Variants in MAPDA observed in about 807,000 individuals in gnomAD.
MAPDA encodes the protein N6-Methyl-AMP deaminase.
At chr15:43,349,261 A>T in the MAPDA span, 6 of 1,270,106 alleles carry the variant, frequency 4.7e-6, no homozygotes, top group Non-Finnish European at 6.0e-6. Flanking sequence ...TGCTTGTCTT[A>T]TTCGTTGTTA....
At chr15:43,341,516 T>A in the MAPDA span, among the ~76,000 whole-genome samples, 1 of 152,194 alleles carries the variant, frequency 6.6e-6, no homozygotes, top group Non-Finnish European at 1.5e-5. Context: ...TGGGTACATA[T>A]ATACCTAGTA....
chr15:43,351,411 C>T, the MAPDA span: 1 of 324,834 alleles, frequency 3.1e-6, no homozygotes, highest in Non-Finnish European at 5.6e-6. Flanking sequence ...GCAAAAGGTA[C>T]TTGAGAGGAC....
chr15:43,345,311 C>A, the MAPDA span, among the ~76,000 whole-genome samples: 142 of 148,662 alleles, frequency 9.6e-4, no homozygotes, highest in African/African-American at 3.4e-3. Context: ...CCCGAGATTG[C>A]ACCATTGCAC....
At chr15:43,333,370 C>T in the MAPDA span, 2 of 150,876 alleles carry the variant, frequency 1.3e-5, no homozygotes, top group East Asian at 3.9e-4. Flanking sequence ...AAGCTGTGAT[C>T]GTGACACTGC....
At chr15:43,353,296 AAAC>A in the MAPDA span, 1 of 151,862 alleles carries the variant, frequency 6.6e-6, no homozygotes, top group Non-Finnish European at 1.5e-5. Context: ...AACAAACAAA[AAAC>A]AAAAACAAAA....
chr15:43,349,154 T>C, the MAPDA span: 1 of 1,532,168 alleles, frequency 6.5e-7, no homozygotes, highest in East Asian at 2.3e-5. Context: ...GAATGTCATC[T>C]AGCTATTAAA....
chr15:43,335,017 A>C, the MAPDA span: 1 of 1,307,392 alleles, frequency 7.6e-7, no homozygotes, highest in Non-Finnish European at 1.1e-6. Flanking sequence ...ATCTGAAGGA[A>C]ATTCAGTACC....
chr15:43,347,015 G>T, the MAPDA span: 3 of 1,613,072 alleles, frequency 1.9e-6, no homozygotes, highest in Non-Finnish European at 2.5e-6. Flanking sequence ...TTATCTTTAA[G>T]GTAGGACAAG....
the MAPDA span, chr15:43,347,205 G>A: frequency 1.2e-6 from 1 of 841,080 alleles, no homozygotes; most frequent in Non-Finnish European, 1.9e-6. Flanking sequence ...TTTTTAAAAA[G>A]GGAAAGTAGA....
the MAPDA span, among the ~76,000 whole-genome samples, chr15:43,346,600 T>C: frequency 3.9e-5 from 6 of 152,232 alleles, no homozygotes; most frequent in Non-Finnish European, 7.3e-5. Context: ...TGAAATTGAT[T>C]CTTATGGCTT....
chr15:43,351,129 C>T, the MAPDA span: 1 of 1,294,022 alleles, frequency 7.7e-7, no homozygotes, highest in South Asian at 1.3e-5. Flanking sequence ...GACTGCCTTG[C>T]ATGCCTGAGG....
the MAPDA span, among the ~76,000 whole-genome samples, chr15:43,347,781 A>C: frequency 6.6e-6 from 1 of 152,232 alleles, no homozygotes; most frequent in Non-Finnish European, 1.5e-5. Flanking sequence ...GTAATGTATA[A>C]AGGTTGAGTA....
the MAPDA span, among the ~76,000 whole-genome samples, chr15:43,331,294 G>T: frequency 3.9e-5 from 6 of 152,238 alleles, no homozygotes; most frequent in Non-Finnish European, 7.3e-5. Context: ...CTGAAGAGAG[G>T]TGATTGTTCC....
chr15:43,351,401 G>A, the MAPDA span: 1 of 320,960 alleles, frequency 3.1e-6, no homozygotes, highest in Non-Finnish European at 5.6e-6. Flanking sequence ...TGGCTCTCTA[G>A]CAAAAGGTAC....
chr15:43,339,561 A>T, the MAPDA span, among the ~76,000 whole-genome samples: 2 of 152,184 alleles, frequency 1.3e-5, no homozygotes, highest in Non-Finnish European at 2.9e-5. Context: ...TGTAAGGACT[A>T]ATTACGGCAG....
chr15:43,352,103 G>C, the MAPDA span: 1 of 630,170 alleles, frequency 1.6e-6, no homozygotes, highest in Non-Finnish European at 2.5e-6. Context: ...CAGTAAATAC[G>C]TGTCTTCAAC....
the MAPDA span, among the ~76,000 whole-genome samples, chr15:43,340,524 T>C: frequency 1.3e-5 from 2 of 152,224 alleles, no homozygotes; most frequent in Non-Finnish European, 2.9e-5. Flanking sequence ...ACATTAATGA[T>C]GTTCATTTTG....
chr15:43,331,707 A>G, the MAPDA span, among the ~76,000 whole-genome samples: 2 of 152,240 alleles, frequency 1.3e-5, no homozygotes, highest in Non-Finnish European at 2.9e-5. Flanking sequence ...AAGCTCATTA[A>G]TGGCCTTAGG....
the MAPDA span, chr15:43,348,971 G>A: frequency 5.0e-6 from 8 of 1,614,004 alleles, no homozygotes; most frequent in Non-Finnish European, 6.8e-6. Flanking sequence ...ATCGGGCATG[G>A]AACATTTCTC....
Sources: allele counts gnomAD v4.1 joint callset (sites outside exome capture counted in the v4.1 genomes callset), GRCh38; gene constraint gnomAD v4.1.1; transcripts MANE v1.5; gene names NCBI Gene and HGNC (gene_info 2026-07-23, HGNC 2026-07-21).